Variants in TDRD5 observed in about 807,000 individuals in gnomAD.
The protein encoded by TDRD5 is tudor domain containing 5, also known as tudor domain-containing protein 5.
In TDRD5, 41 loss-of-function variants were observed where a neutral mutation model predicts 120.6. The ratio of observed to expected loss-of-function variants is 0.34; its 90% CI spans 0.26 to 0.44. The LOEUF (loss-of-function observed/expected upper bound fraction) is 0.44. TDRD5 is among the 20% of genes least tolerant of loss of function. The pLI is 1.00. For synonymous variants in TDRD5, 430 were observed against 433.7 expected (o/e 0.99, Z 0.11); for missense variants, 1,006 against 1,221.2 (o/e 0.82, Z 2.63).
chr1:179,632,206 G>T (rs1051122384), intron 7 of TDRD5, among the ~76,000 whole-genome samples: 2 of 151,874 alleles, frequency 1.3e-5, no homozygotes, highest in African/African-American at 4.8e-5. Context: ...ACTCCCGGCC[G>T]TGACCTTCTT....
At chr1:179,631,939 C>T (rs1398138143) in intron 7 of TDRD5, among the ~76,000 whole-genome samples, 4 of 129,910 alleles carry the variant, frequency 3.1e-5, no homozygotes, top group South Asian at 2.6e-4. Flanking sequence ...TAGATTCTTA[C>T]GCTGTCCCCC....
chr1:179,592,547 T>G lies in TDRD5; in HGVS notation c.-14-55T>G. On this transcript the variant is annotated intron_variant, in intron 1 of 17. Transcript: ENST00000444136. The stretch of plus-strand genomic sequence containing the variant: ...TTGTATCCCACTATTGGTTTTTTTT[T>G]AAATCTTTTTTCGTGGGTTTGCCCC... 3.3e-6 allele frequency: 4 copies of G among 1,225,612 alleles called. No individual in the cohort carries two copies. The South Asian group carries it at 5.3e-5, about 16-fold the overall frequency. 75.9% of individuals were successfully genotyped at this position (1,225,612 alleles called of 1,614,324 possible).
chr1:179,593,699 G>T lies in TDRD5; in HGVS notation c.472G>T (p.Ala158Ser), dbSNP rs778181247. ...VLLSDFEKAF[A>S]KRFGRSFQYM... ...TCTTTCTGATTTTGAAAAGGCATTT[G>T]CCAAAAGATTTGGACGATCATTCCA... Residue 158 changes from alanine to serine, a missense_variant, in exon 3 of 18, where the codon GCC becomes TCC. Coordinates refer to ENST00000444136, the MANE Select transcript of TDRD5 (RefSeq NM_001199085.3). The T allele has an allele frequency of 1.9e-6, 3 of 1,614,248 alleles. No homozygotes were observed. The highest frequency in any genetic ancestry group is 2.5e-6 in the Non-Finnish European group (3 of 1,180,040).
At chr1:179,611,299 G>A (rs1039309279) in intron 4 of TDRD5, among the ~76,000 whole-genome samples, 1 of 151,872 alleles carries the variant, frequency 6.6e-6, no homozygotes, top group Admixed American at 6.6e-5. Flanking sequence ...TGTCTGCCTC[G>A]GCCTCCCAAA....
chr1:179,651,719 C>G (rs1228770658), intron 12 of TDRD5, among the ~76,000 whole-genome samples: 8 of 152,118 alleles, frequency 5.3e-5, no homozygotes, highest in Admixed American at 5.2e-4. Flanking sequence ...CGAGACCATC[C>G]TGGCTAACAC....
At position 179,652,151 on chromosome 1, in the gene TDRD5, A is replaced by G. The variant is rs1678755590; in HGVS notation, c.2114A>G (p.Asp705Gly). 6.2e-7 allele frequency: 1 copy of G among 1,613,880 alleles called. No homozygotes were observed. The highest frequency in any genetic ancestry group is 8.5e-7 in the Non-Finnish European group (1 of 1,179,960). ...TCCCAGCAGCACTATTTTAATGAAG[A>G]CCGAAAGATAAGTCCACAGTCAAAA... ...YPSQQHYFNE[D>G]RKISPQSKES... The change falls in exon 13 of 18, where the codon GAC (aspartate) becomes GGC (glycine). Residue 705 changes from aspartate (D) to glycine (G), a missense_variant. Physicochemically the swap from Asp to Gly is moderately conservative, Grantham distance 94. Around this residue, in one of 3 missense-constraint regions of TDRD5, gnomAD observed 403 missense variants for 448.1 expected, o/e 0.90. Coordinates refer to ENST00000444136, the MANE Select transcript of TDRD5 (RefSeq NM_001199085.3).
At chr1:179,597,319 CTTTTCTTT>C (rs1390334669) in intron 4 of TDRD5, among the ~76,000 whole-genome samples, 64 of 143,486 alleles carry the variant, frequency 4.5e-4, no homozygotes, top group African/African-American at 1.4e-3. Flanking sequence ...ATTTTTCTTT[CTTTTCTTT>C]TTTTCTTTTT....
intron 7 of TDRD5, 140 bp from the exon 8 acceptor site, chr1:179,634,317 C>A: frequency 1.2e-6 from 1 of 815,266 alleles, no homozygotes; most frequent in Non-Finnish European, 1.9e-6. Context: ...TTGTATCTCT[C>A]ATTTATCATT....
intron 17 of TDRD5, among the ~76,000 whole-genome samples, chr1:179,680,217 AG>A (rs1199365785): frequency 3.3e-5 from 5 of 152,316 alleles, no homozygotes; most frequent in Admixed American, 2.0e-4. Context: ...TATAGCCTAC[AG>A]TATGCTCTAT....
chr1:179,604,266 T>C (rs1189713261), intron 4 of TDRD5, among the ~76,000 whole-genome samples: 2 of 152,160 alleles, frequency 1.3e-5, no homozygotes, highest in Non-Finnish European at 2.9e-5. Context: ...ATTTTCTCTC[T>C]TCTCTTCTTG....
intron 5 of TDRD5, 26 bp downstream of exon 5, chr1:179,618,708 C>A: frequency 6.8e-7 from 1 of 1,469,454 alleles, no homozygotes; most frequent in Non-Finnish European, 9.2e-7. Flanking sequence ...TTCTGGGAGA[C>A]AATAATAATT....
intron 17 of TDRD5, among the ~76,000 whole-genome samples, chr1:179,673,195 C>T (rs923125261): frequency 2.0e-5 from 3 of 152,096 alleles, no homozygotes; most frequent in African/African-American, 7.2e-5. Flanking sequence ...GCAGTATGAT[C>T]ATTTTCACAA....
chr1:179,591,757 C>A (rs1368277348), upstream of TDRD5: 1 of 152,388 alleles, frequency 6.6e-6, no homozygotes, highest in Non-Finnish European at 1.5e-5. Flanking sequence ...CCCAACCGTC[C>A]CACCTGCCAC....
At chr1:179,595,508 T>C (rs1179076334) in intron 3 of TDRD5, 120 bp from the exon 4 acceptor site, 4 of 794,052 alleles carry the variant, frequency 5.0e-6, no homozygotes, top group Non-Finnish European at 7.5e-6. Context: ...TTTCTTTTCT[T>C]AATTTTTGCT....
At chr1:179,673,559 G>C (rs1679966247) in intron 17 of TDRD5, among the ~76,000 whole-genome samples, 1 of 152,214 alleles carries the variant, frequency 6.6e-6, no homozygotes, top group Non-Finnish European at 1.5e-5. Flanking sequence ...TATGTAAGAA[G>C]TGCATTGGTT....
rs183530988 is a variant in TDRD5, at chr1:179,600,346, A to G, written c.831+4528A>G. Among the ~76,000 whole-genome samples, 15 of 152,304 alleles carry G rather than the reference A, an allele frequency of 9.8e-5. No individual in the cohort carries two copies. In the East Asian group the frequency reaches 2.9e-3, roughly 29 times the overall value. On this transcript the variant is annotated intron_variant, in intron 4 of 17. Transcript: ENST00000444136. ...TATTTTTACTGTACCTCTTGTGTTT[A>G]GATACACAAATGCTACTGTGTTACA...
chr1:179,671,084 C>G (rs1359703931), intron 17 of TDRD5, among the ~76,000 whole-genome samples: 1 of 152,138 alleles, frequency 6.6e-6, no homozygotes, highest in East Asian at 1.9e-4. Context: ...TCCATTTGTT[C>G]CAGCACCATT....
At chr1:179,620,777 A>G (rs1676796566) in intron 5 of TDRD5, among the ~76,000 whole-genome samples, 1 of 152,106 alleles carries the variant, frequency 6.6e-6, no homozygotes, top group African/African-American at 2.4e-5. Context: ...AAGTGCAGGA[A>G]TTTCTGGAGA....
chr1:179,623,972 T>TA (rs1355710927), intron 6 of TDRD5, among the ~76,000 whole-genome samples: 1 of 152,120 alleles, frequency 6.6e-6, no homozygotes, highest in Non-Finnish European at 1.5e-5. Flanking sequence ...ATTGTCCTGC[T>TA]ACTAAAGCTT....
Sources: gnomAD v4.1 joint callset for allele counts (sites outside exome capture counted in the v4.1 genomes callset) on GRCh38, gnomAD v4.1.1 for gene constraint, gnomAD v4.1.1 regional missense constraint, MANE v1.5 for transcripts, NCBI Gene and HGNC (gene_info 2026-07-23, HGNC 2026-07-21) for gene names.